FAM120B: variants seen among roughly 807,000 people sequenced by gnomAD.
The protein encoded by FAM120B is family with sequence similarity 120 member B, also known as constitutive coactivator of peroxisome proliferator-activated receptor gamma.
In FAM120B, 83 loss-of-function variants were observed where a neutral mutation model predicts 96.3. The observed-to-expected ratio is 0.86, with a 90% CI of 0.72 to 1.03. The LOEUF (loss-of-function observed/expected upper bound fraction) is 1.03. FAM120B is among the 50% of genes least tolerant of loss of function. The pLI, the probability that FAM120B is intolerant of heterozygous loss-of-function variation, is 0.00. For synonymous variants in FAM120B, 407 were observed against 402.7 expected, an observed-to-expected ratio of 1.01 and a Z score of -0.13; for missense variants, 1,027 against 1,121.2, an observed-to-expected ratio of 0.92 and a Z score of 1.20.
chr6:170,311,661 C>T (rs1343958174), intron 1 of FAM120B, among the ~76,000 whole-genome samples: 1 of 152,302 alleles, frequency 6.6e-6, no homozygotes, highest in South Asian at 2.1e-4. Context: ...GTCCTACACT[C>T]GTGTCCAAGA....
rs1562598207 is a variant in FAM120B at position 170,395,568 on chromosome 6, AC to A, written c.2683del (p.Gln895ArgfsTer59). 1 of 1,591,580 alleles carries A rather than the reference AC, an allele frequency of 6.3e-7. No individual in the cohort carries two copies. The highest frequency in any genetic ancestry group is 8.6e-7 in the Non-Finnish European group (1 of 1,169,002). ...SRSSQGQPWR[D>X]QGPGSRQYEH... Reference sequence around the variant, plus strand: ...TCCAGTCAGGGACAGCCGTGGAGAGACCAGGGACCAGGTAAGAAGGCCAGTG... The same window carrying A: ...TCCAGTCAGGGACAGCCGTGGAGAGACAGGGACCAGGTAAGAAGGCCAGTG... On this transcript the variant is annotated frameshift_variant, in exon 9 of 11. Transcript: ENST00000476287. LOFTEE classifies it high-confidence loss of function.
intron 1 of FAM120B, among the ~76,000 whole-genome samples, chr6:170,309,274 A>G (rs1489091615): frequency 1.3e-5 from 2 of 152,204 alleles, no homozygotes; most frequent in African/African-American, 4.8e-5. Context: ...TTATTTATGC[A>G]AAGATAGGTA....
At chr6:170,397,106 C>A (rs727619) in intron 9 of FAM120B, among the ~76,000 whole-genome samples, 84,056 of 152,122 alleles carry the variant, frequency 0.55, 24,753 homozygotes, top group Non-Finnish European at 0.65. Context: ...GGCCTACAGC[C>A]CTGACTTGGC....
chr6:170,328,799 C>T (rs911569910), intron 3 of FAM120B, among the ~76,000 whole-genome samples: 1 of 152,248 alleles, frequency 6.6e-6, no homozygotes, highest in Non-Finnish European at 1.5e-5. Context: ...TCATGTCTAG[C>T]GTTTTTTGAT....
At position 170,295,393 on chromosome 6, in the gene FAM120B, A is replaced by G. The variant is rs780710452; in HGVS notation, c.-13A>G. 4.0e-5 allele frequency: 28 copies of G among 701,038 alleles called. 1 individual carries two copies. In the South Asian group the frequency reaches 4.2e-4, roughly 10 times the overall value. 43.4% of individuals were successfully genotyped at this position (701,038 alleles called of 1,614,324 possible). A position where few individuals can be genotyped will look rare whatever the true frequency, so the allele number is the denominator to read the frequency against. On this transcript the variant is annotated 5_prime_UTR_variant, in exon 1 of 11. Coordinates refer to the FAM120B transcript ENST00000537664. The surrounding 1 kb of genome is among the most constrained non-coding windows in gnomAD (Gnocchi z 7.8). ...TCACAGCCTGGAAAAGGGAGGGGGC[A>G]TCGATCTGGTTTATGTTTGGACCTC...
At chr6:170,332,385 A>G (rs1287739070) in intron 4 of FAM120B, among the ~76,000 whole-genome samples, 1 of 152,242 alleles carries the variant, frequency 6.6e-6, no homozygotes, top group Non-Finnish European at 1.5e-5. Flanking sequence ...ATTCACATGA[A>G]TACAACATAC....
chr6:170,377,776 C>T (rs1789641846), intron 6 of FAM120B, among the ~76,000 whole-genome samples: 1 of 138,964 alleles, frequency 7.2e-6, no homozygotes, highest in Admixed American at 7.1e-5. Context: ...TGTGCACACG[C>T]GTCCCTAATC....
chr6:170,314,780 A>G (rs1784793914), intron 1 of FAM120B, among the ~76,000 whole-genome samples: 1 of 152,228 alleles, frequency 6.6e-6, no homozygotes, highest in South Asian at 2.1e-4. Context: ...TGTTGTGAGT[A>G]TTTAGCACTT....
At chr6:170,388,515 T>C (rs1238755001) in intron 7 of FAM120B, 22 bp downstream of exon 7, 2 of 1,601,298 alleles carry the variant, frequency 1.2e-6, no homozygotes, top group East Asian at 2.2e-5. Context: ...GACACCTACC[T>C]TTCACCAGAA....
Position 170,318,864 on chromosome 6 carries a change from G to C in FAM120B, c.1474G>C (p.Glu492Gln). ...RQEVLIRTDP[E>Q]SRQEIMCTGH... is the part of the protein sequence containing the mutation. ...AGAAGTTTTAATACGGACAGACCCT[G>C]AATCTAGGCAAGAAATTATGTGTAC... Residue 492 changes from glutamate (E) to glutamine (Q), a missense_variant, in exon 2 of 11, where the codon GAA (glutamate) becomes CAA (glutamine). Coordinates refer to ENST00000476287, the MANE Select transcript of FAM120B (RefSeq NM_032448.3). 2.5e-6 allele frequency: 4 copies of C among 1,614,216 alleles called. No individual in the cohort carries two copies. Among genetic ancestry groups the C allele is most frequent in the Non-Finnish European group, 3.4e-6 (4 of 1,180,042 alleles).
At position 170,339,537 on chromosome 6, in the gene FAM120B, C is replaced by T. The variant is rs138459506; in HGVS notation, c.2018-8614C>T. On this transcript the variant is annotated intron_variant, in intron 4 of 10. Coordinates refer to ENST00000476287, the MANE Select transcript of FAM120B (RefSeq NM_032448.3). ...GGCGGGGTGGCTCATGCCTGTAATC[C>T]CAGCACTTTGGGAGGCCGGATCATG... is the stretch of plus-strand genomic sequence containing the variant. 4.9e-3 allele frequency among the ~76,000 whole-genome samples: 744 copies of T among 151,816 alleles called. 8 individuals are homozygous for T. The highest frequency in any genetic ancestry group is 0.017 in the African/African-American group (711 of 41,426).
At chr6:170,313,051 C>T (rs999973834) in intron 1 of FAM120B, among the ~76,000 whole-genome samples, 2 of 152,252 alleles carry the variant, frequency 1.3e-5, no homozygotes, top group African/African-American at 2.4e-5. Flanking sequence ...GAGTCTTTAT[C>T]GGTGATTGGG....
intron 4 of FAM120B, among the ~76,000 whole-genome samples, chr6:170,334,375 G>A (rs1214893528): frequency 1.3e-5 from 2 of 152,160 alleles, no homozygotes; most frequent in African/African-American, 4.8e-5. Context: ...CATGAAAAAA[G>A]GACCATGTAT....
At chr6:170,301,640 A>G (rs1784144283) in intron 1 of FAM120B, among the ~76,000 whole-genome samples, 1 of 152,140 alleles carries the variant, frequency 6.6e-6, no homozygotes, top group South Asian at 2.1e-4. Context: ...CTGTCTAGAA[A>G]TTTCTTCCAC....
chr6:170,357,636 T>G (rs138797632), intron 5 of FAM120B, among the ~76,000 whole-genome samples: 1 of 152,302 alleles, frequency 6.6e-6, no homozygotes, highest in East Asian at 1.9e-4. Flanking sequence ...GGATATTCGC[T>G]CTCTGAAAAC....
In FAM120B at chr6:170,317,439, A is replaced by G. The variant is rs113843282; in HGVS notation, c.49A>G (p.Ile17Val). ...QGFVGSTCPH[I>V]CTVVNFKELA... Reference sequence around the variant, plus strand: ...ATTTGTGGGAAGTACCTGCCCACATATATGTACAGTAGTAAATTTCAAAGA... The same window carrying G: ...ATTTGTGGGAAGTACCTGCCCACATGTATGTACAGTAGTAAATTTCAAAGA... The change falls in exon 2 of 11, where the codon ATA becomes GTA. Residue 17 changes from isoleucine to valine, a missense_variant. This residue lies in a region of FAM120B where 880 missense variants were observed against 980.9 expected (regional missense o/e 0.90). Coordinates refer to ENST00000476287, the MANE Select transcript of FAM120B (RefSeq NM_032448.3). 9.3e-6 allele frequency: 15 copies of G among 1,614,168 alleles called. No homozygotes were observed. The highest frequency in any genetic ancestry group is 1.0e-5 in the Non-Finnish European group (12 of 1,180,016).
upstream of FAM120B, among the ~76,000 whole-genome samples, chr6:170,291,298 A>C (rs1267146437): frequency 2.0e-5 from 3 of 151,272 alleles, no homozygotes; most frequent in African/African-American, 7.3e-5. Flanking sequence ...ACGCCCAGAG[A>C]CCCTCGGCCA....
intron 9 of FAM120B, among the ~76,000 whole-genome samples, chr6:170,397,135 CCGTGCA>C (rs1208741731): frequency 2.9e-4 from 44 of 152,364 alleles, no homozygotes; most frequent in African/African-American, 9.4e-4. Context: ...CTGCAGCTGG[CCGTGCA>C]CATTAGGGCT....
In FAM120B at chr6:170,323,068, AT is replaced by A; in HGVS notation, c.1735-8del. On this transcript the variant is annotated splice_polypyrimidine_tract_variant and intron_variant, in intron 2 of 10. Transcript: ENST00000476287. Reference sequence around the variant, plus strand: ...TAAGGAGAAATTCAGTTGTATTTAAATTTCAAACAGGTTGCTAGAACACATC... The same window carrying A: ...TAAGGAGAAATTCAGTTGTATTTAAATTCAAACAGGTTGCTAGAACACATC... 1 of 1,593,152 alleles carries A rather than the reference AT, an allele frequency of 6.3e-7. No homozygotes were observed. Among genetic ancestry groups the A allele is most frequent in the Non-Finnish European group, 8.5e-7 (1 of 1,170,420 alleles).
Sources: gnomAD v4.1 joint callset for allele counts (sites outside exome capture counted in the v4.1 genomes callset) on GRCh38, gnomAD v4.1.1 for gene constraint, gnomAD v4.1.1 regional missense constraint, Gnocchi (gnomAD v3.1) non-coding constraint, MANE v1.5 for transcripts, NCBI Gene and HGNC (gene_info 2026-07-23, HGNC 2026-07-21) for gene names.